Variants in HS3ST2 observed in about 807,000 individuals in gnomAD.
The protein encoded by HS3ST2 is heparan sulfate-glucosamine 3-sulfotransferase 2.
A neutral mutation model predicts 26.3 loss-of-function variants in HS3ST2; 17 were observed. That is an observed-to-expected ratio of 0.65 (90% CI 0.44 to 0.97). The LOEUF (loss-of-function observed/expected upper bound fraction) is 0.97, where lower values mean the gene tolerates loss of function less well. HS3ST2 is among the 50% of genes least tolerant of loss of function. The pLI is 0.00. For missense variants in HS3ST2, 402 were observed against 501.2 expected, an observed-to-expected ratio of 0.80 and a Z score of 1.89; for synonymous variants, 237 against 219.2, an observed-to-expected ratio of 1.08 and a Z score of -0.72.
intron 1 of HS3ST2, among the ~76,000 whole-genome samples, chr16:22,896,457 C>T (rs1902212020): frequency 6.6e-6 from 1 of 152,212 alleles, no homozygotes; most frequent in African/African-American, 2.4e-5. Flanking sequence ...AAATCTTTGC[C>T]TATAGCTCTG....
intron 1 of HS3ST2, among the ~76,000 whole-genome samples, chr16:22,892,588 T>G (rs1902145894): frequency 6.6e-6 from 1 of 151,826 alleles, no homozygotes; most frequent in African/African-American, 2.4e-5. Context: ...TATGTTACAC[T>G]TAGGTTGTTT....
At chr16:22,841,088 G>T (rs1010487461) in intron 1 of HS3ST2, among the ~76,000 whole-genome samples, 71 of 151,304 alleles carry the variant, frequency 4.7e-4, no homozygotes, top group Non-Finnish European at 1.0e-4. Flanking sequence ...CCTTGTGAGG[G>T]TCTCACATTG....
chr16:22,826,961 T>C (rs1901095780), intron 1 of HS3ST2, among the ~76,000 whole-genome samples: 2 of 152,130 alleles, frequency 1.3e-5, no homozygotes, highest in African/African-American at 2.4e-5. Flanking sequence ...CATATCTATG[T>C]CAGATGGTGG....
chr16:22,832,137 C>T (rs1901178744), intron 1 of HS3ST2, among the ~76,000 whole-genome samples: 1 of 146,666 alleles, frequency 6.8e-6, no homozygotes, highest in African/African-American at 2.5e-5. Flanking sequence ...CATGTGCTAC[C>T]ATCCCCAGCT....
At chr16:22,817,036 A>AT (rs1294572299) in intron 1 of HS3ST2, among the ~76,000 whole-genome samples, 26 of 152,002 alleles carry the variant, frequency 1.7e-4, no homozygotes, top group Non-Finnish European at 3.8e-4. Context: ...GCTGCTTTTT[A>AT]TTTTTAACCT....
At chr16:22,847,774 G>A (rs1371224372) in intron 1 of HS3ST2, among the ~76,000 whole-genome samples, 1 of 148,062 alleles carries the variant, frequency 6.8e-6, no homozygotes, top group Non-Finnish European at 1.5e-5. Flanking sequence ...GGGAGAGAAA[G>A]AGAAAGAGGA....
At chr16:22,909,417 T>C (rs1400144306) in intron 1 of HS3ST2, among the ~76,000 whole-genome samples, 1 of 152,176 alleles carries the variant, frequency 6.6e-6, no homozygotes, top group African/African-American at 2.4e-5. Context: ...TGCTAGCAGC[T>C]GGAAACAAGT....
chr16:22,911,115 A>T (rs1274575531), intron 1 of HS3ST2, among the ~76,000 whole-genome samples: 1 of 152,240 alleles, frequency 6.6e-6, no homozygotes, highest in Non-Finnish European at 1.5e-5. Flanking sequence ...TGAGGGTTCA[A>T]TGGAAGCTAG....
intron 1 of HS3ST2, among the ~76,000 whole-genome samples, chr16:22,823,043 G>T (rs914529646): frequency 1.3e-5 from 2 of 152,088 alleles, no homozygotes; most frequent in African/African-American, 4.8e-5. Flanking sequence ...CTATGGATTT[G>T]CAAATCTAAC....
At chr16:22,869,904 G>T (rs940648402) in intron 1 of HS3ST2, among the ~76,000 whole-genome samples, 5 of 152,212 alleles carry the variant, frequency 3.3e-5, no homozygotes, top group Admixed American at 2.0e-4. Flanking sequence ...AAGCCTCAGA[G>T]TTCAATCTTA....
At chr16:22,857,254 A>C in intron 1 of HS3ST2, among the ~76,000 whole-genome samples, 1 of 152,254 alleles carries the variant, frequency 6.6e-6, no homozygotes, top group East Asian at 1.9e-4. Flanking sequence ...AACACAAGTC[A>C]GTATGAATGC....
intron 1 of HS3ST2, among the ~76,000 whole-genome samples, chr16:22,913,222 C>T (rs1336295459): frequency 1.3e-5 from 2 of 148,746 alleles, no homozygotes; most frequent in Admixed American, 6.7e-5. Flanking sequence ...AGTTCTAACG[C>T]GCAGCCAGGA....
rs1274738504 is a variant in HS3ST2 at position 22,814,456 on chromosome 16, G to A, written c.-155G>A. 1.4e-6 allele frequency: 1 copy of A among 694,970 alleles called. No individual in the cohort carries two copies. The highest frequency in any genetic ancestry group is 2.2e-6 in the Non-Finnish European group (1 of 449,452). The allele number at this position is 694,970 out of a possible 1,614,324, so 43.1% of individuals were successfully genotyped here. ...GACCCCCTGGCACTGTGCGCACCCTGGTCAGCAGCCCCCGGAGAAGACGGC... is the reference window on the plus strand; with the variant it reads ...GACCCCCTGGCACTGTGCGCACCCTAGTCAGCAGCCCCCGGAGAAGACGGC... On this transcript the variant is annotated 5_prime_UTR_variant, in exon 1 of 2. Transcript: ENST00000261374.
Position 22,875,751 on chromosome 16 carries a change from C to A in HS3ST2, c.486-39193C>A, listed in dbSNP as rs542400060. On this transcript the variant is annotated intron_variant, in intron 1 of 1. Coordinates refer to ENST00000261374, the MANE Select transcript of HS3ST2 (RefSeq NM_006043.2). ...CCTAGGCCCTCACATTTATTCACCA[C>A]TTACTGGTTCTCCCAGAGCAACTTC... 2.0e-5 allele frequency among the ~76,000 whole-genome samples: 3 copies of A among 152,322 alleles called. No individual in the cohort carries two copies. The East Asian group carries it at 5.8e-4, about 29-fold the overall frequency.
At chr16:22,839,779 TA>T (rs1356644103) in intron 1 of HS3ST2, among the ~76,000 whole-genome samples, 1 of 152,180 alleles carries the variant, frequency 6.6e-6, no homozygotes, top group Non-Finnish European at 1.5e-5. Context: ...TGATGAAAAT[TA>T]CATTGCCATC....
chr16:22,899,644 C>T (rs1245510784), intron 1 of HS3ST2, among the ~76,000 whole-genome samples: 1 of 152,134 alleles, frequency 6.6e-6, no homozygotes, highest in Admixed American at 6.5e-5. Flanking sequence ...TTAATAGACT[C>T]ACAGTTCAGC....
At chr16:22,823,521 C>T (rs1452698857) in intron 1 of HS3ST2, among the ~76,000 whole-genome samples, 1 of 151,460 alleles carries the variant, frequency 6.6e-6, no homozygotes, top group South Asian at 2.1e-4. Flanking sequence ...GGGCTGGGTG[C>T]GGTGGTAATG....
intron 1 of HS3ST2, among the ~76,000 whole-genome samples, chr16:22,852,525 C>A (rs1567488054): frequency 6.6e-6 from 1 of 152,098 alleles, no homozygotes; most frequent in South Asian, 2.1e-4. Flanking sequence ...TTCTTAGACA[C>A]CCTGGGAGAA....
chr16:22,915,602 A>G lies in HS3ST2; in HGVS notation c.*40A>G, dbSNP rs200710888. ...AGGGCTCTCAAGGGCTCTTCTGCTC[A>G]TCTCTTCCGTGAGATTTGCTCCCAG... On this transcript the variant is annotated 3_prime_UTR_variant, in exon 2 of 2. Transcript: ENST00000261374. 1 of 1,575,738 alleles carries G rather than the reference A, an allele frequency of 6.3e-7. No individual in the cohort carries two copies. The highest frequency in any genetic ancestry group is 1.4e-5 in the African/African-American group (1 of 73,378).
Sources: gnomAD v4.1 joint callset for allele counts (sites outside exome capture counted in the v4.1 genomes callset) on GRCh38, gnomAD v4.1.1 for gene constraint, MANE v1.5 for transcripts, NCBI Gene and HGNC (gene_info 2026-07-23, HGNC 2026-07-21) for gene names.